The following SEC31A variants were observed in gnomAD, a reference collection of about 807,000 sequenced individuals.
SEC31A encodes the protein SEC31 homolog A, COPII component, also known as protein transport protein Sec31A.
Under a neutral mutation model 151.0 loss-of-function variants are expected in SEC31A, and 70 were observed. The observed-to-expected ratio is 0.46, with a 90% confidence interval of 0.38 to 0.57. The LOEUF (loss-of-function observed/expected upper bound fraction) is 0.57, where lower values mean the gene tolerates loss of function less well. SEC31A is among the 20% of genes least tolerant of loss of function. The pLI is 0.00. For synonymous variants in SEC31A, 475 were observed against 505.9 expected (o/e 0.94, Z 0.82); for missense variants, 1,330 against 1,471.2 (o/e 0.90, Z 1.57).
At chr4:82,892,868 T>C (rs1002669048), upstream of SEC31A, 1 of 152,198 alleles carries the variant, frequency 6.6e-6, no homozygotes, top group Non-Finnish European at 1.5e-5. Context: ...GTCACTGGTA[T>C]TTATGCATAT....
At chr4:82,899,702 ATAAG>A (rs1316480539) in intron 3 of SEC31A, 5 of 152,690 alleles carry the variant, frequency 3.3e-5, no homozygotes, top group Non-Finnish European at 7.3e-5. Context: ...ACTGGTGTGA[ATAAG>A]TAATACCTTA....
intron 1 of SEC31A, among the ~76,000 whole-genome samples, chr4:82,884,401 T>G (rs146984273): frequency 1.6e-3 from 243 of 152,324 alleles, no homozygotes; most frequent in African/African-American, 5.6e-3. Flanking sequence ...TAAAAAAAGC[T>G]ATATGCTTTA....
intron 10 of SEC31A, among the ~76,000 whole-genome samples, chr4:82,866,026 A>G (rs1357059656): frequency 6.6e-6 from 1 of 151,978 alleles, no homozygotes; most frequent in African/African-American, 2.4e-5. Flanking sequence ...ATTAAAAAAG[A>G]AAGCTAAAAG....
At chr4:82,827,717 G>A (rs1724924788) in intron 23 of SEC31A, 85 bp from the exon 24 acceptor site, 1 of 1,397,752 alleles carries the variant, frequency 7.2e-7, no homozygotes, top group Non-Finnish European at 9.8e-7. Context: ...AGGGAGTTAG[G>A]TTATACCACG....
rs1223922128 is a variant in SEC31A at position 82,818,799 on chromosome 4, CAG to C, written c.*273_*274del. The C allele has an allele frequency of 1.5e-5, 4 of 271,620 alleles. No individual in the cohort carries two copies. Among genetic ancestry groups the C allele is most frequent in the African/African-American group, 4.4e-5 (2 of 45,662 alleles). 16.8% of individuals were successfully genotyped at this position (271,620 alleles called of 1,614,324 possible). The stretch of plus-strand genomic sequence containing the variant: ...TTGAGGTTTTAAAAAACACATTTAT[CAG>C]AATACTTCAGGAAACCATACTATGT... On this transcript the variant is annotated 3_prime_UTR_variant, in exon 27 of 27. Coordinates refer to ENST00000395310, the MANE Select transcript of SEC31A (RefSeq NM_001077207.4).
chr4:82,850,739 C>T (rs1731286633), intron 19 of SEC31A, among the ~76,000 whole-genome samples: 1 of 152,172 alleles, frequency 6.6e-6, no homozygotes. Flanking sequence ...CACCAATACC[C>T]TTATCACAGT....
chr4:82,845,258 G>A, intron 20 of SEC31A: 1 of 1,533,932 alleles, frequency 6.5e-7, no homozygotes, highest in Non-Finnish European at 8.7e-7. Flanking sequence ...TAGGAGTTTT[G>A]TTACTCCAGG....
chr4:82,857,857 G>C (rs1733028576), intron 14 of SEC31A, 93 bp from the exon 15 acceptor site: 16 of 751,090 alleles, frequency 2.1e-5, no homozygotes, highest in East Asian at 5.2e-5. Flanking sequence ...TTCATCTACA[G>C]AGTAGATGAC....
chr4:82,869,655 T>C (rs960237686), intron 8 of SEC31A, among the ~76,000 whole-genome samples: 8 of 152,070 alleles, frequency 5.3e-5, no homozygotes, highest in African/African-American at 1.9e-4. Flanking sequence ...TAAAATTTAT[T>C]AATTTTTTTT....
At chr4:82,856,395 C>A (rs1263694079) in intron 16 of SEC31A, among the ~76,000 whole-genome samples, 1 of 151,678 alleles carries the variant, frequency 6.6e-6, no homozygotes, top group African/African-American at 2.4e-5. Flanking sequence ...GTGACCCCCC[C>A]ACCTCTGCCT....
intron 8 of SEC31A, among the ~76,000 whole-genome samples, chr4:82,869,669 T>C (rs1169631655): frequency 1.3e-5 from 2 of 152,118 alleles, no homozygotes; most frequent in East Asian, 1.9e-4. Context: ...TTTTTTTCTC[T>C]TGTCTCCCCT....
Position 82,819,113 on chromosome 4 carries a change from G to A in SEC31A, c.3624C>T (p.Leu1208=). ...TATTGGCCTGGGTGAGAACAACTTT[G>A]AGAACTGGCATGAAAGCAGAGGTCT... is the stretch of plus-strand genomic sequence containing the variant. ...FSETSAFMPV[L]KVVLTQANKL... The change falls in exon 27 of 27, where the codon CTC becomes CTT. Residue 1208 remains leucine, a synonymous_variant. Transcript: ENST00000395310. 6.2e-7 allele frequency: 1 copy of A among 1,611,588 alleles called. No homozygotes were observed. Among genetic ancestry groups the A allele is most frequent in the Middle Eastern group, 1.7e-4 (1 of 6,056 alleles).
At chr4:82,846,572 C>T (rs1409447356) in intron 20 of SEC31A, among the ~76,000 whole-genome samples, 1 of 151,886 alleles carries the variant, frequency 6.6e-6, no homozygotes, top group Non-Finnish European at 1.5e-5. Context: ...AACCCCTCCT[C>T]TTCAGCATAT....
chr4:82,872,131 T>C, intron 6 of SEC31A, 45 bp from the exon 7 acceptor site: 3 of 1,442,666 alleles, frequency 2.1e-6, no homozygotes, highest in Non-Finnish European at 2.9e-6. Context: ...AATTACTTTA[T>C]GAAAAGCCAA....
At chr4:82,870,300 G>C in intron 8 of SEC31A, 25 bp downstream of exon 8, 1 of 1,568,882 alleles carries the variant, frequency 6.4e-7, no homozygotes, top group Non-Finnish European at 8.8e-7. Context: ...GGGCTACAAG[G>C]TTGAGACACA....
At chr4:82,868,820 C>T (rs1011839164) in intron 8 of SEC31A, among the ~76,000 whole-genome samples, 1 of 151,930 alleles carries the variant, frequency 6.6e-6, no homozygotes, top group African/African-American at 2.4e-5. Context: ...GTCAGCCTCC[C>T]GAGTGGCTAG....
intron 1 of SEC31A, among the ~76,000 whole-genome samples, chr4:82,882,178 C>T (rs956372727): frequency 1.5e-4 from 23 of 151,852 alleles, no homozygotes; most frequent in Non-Finnish European, 2.4e-4. Context: ...CCAAGGCGGG[C>T]GGATCACGAG....
chr4:82,822,615 T>TA (rs986241111), intron 25 of SEC31A, among the ~76,000 whole-genome samples: 4 of 152,166 alleles, frequency 2.6e-5, no homozygotes, highest in African/African-American at 9.7e-5. Flanking sequence ...ATCCATGCTA[T>TA]AAAAACTATT....
chr4:82,898,197 G>A (rs923635128), intron 3 of SEC31A: 8 of 152,196 alleles, frequency 5.3e-5, no homozygotes, highest in African/African-American at 1.7e-4. Context: ...GTGAACAGCA[G>A]TGAAAAGGTT....
Sources: gnomAD v4.1 joint callset for allele counts (sites outside exome capture counted in the v4.1 genomes callset) on GRCh38, gnomAD v4.1.1 for gene constraint, MANE v1.5 for transcripts, NCBI Gene and HGNC (gene_info 2026-07-23, HGNC 2026-07-21) for gene names.